The following DYNC2H1 variants were observed in gnomAD, a reference collection of about 807,000 sequenced individuals.
DYNC2H1 encodes dynein cytoplasmic 2 heavy chain 1, also known as cytoplasmic dynein 2 heavy chain 1.
A neutral mutation model predicts 570.0 loss-of-function variants in DYNC2H1; 410 were observed. The observed-to-expected ratio is 0.72, with a 90% CI of 0.66 to 0.78. The LOEUF is 0.78. Among genes scored for constraint, DYNC2H1 ranks in the 30% least tolerant of loss-of-function variants. The pLI is 0.00. For synonymous variants in DYNC2H1, 1,688 were observed against 1,677.6 expected, an observed-to-expected ratio of 1.01 and a Z score of -0.15; for missense variants, 4,865 against 5,046.4, an observed-to-expected ratio of 0.96 and a Z score of 1.09.
intron 65 of DYNC2H1, among the ~76,000 whole-genome samples, chr11:103,246,206 T>C (rs539414929): frequency 3.3e-5 from 5 of 152,184 alleles, no homozygotes; most frequent in African/African-American, 1.2e-4. Flanking sequence ...AAGCTTGTAA[T>C]CAAGAAAGTG....
intron 84 of DYNC2H1, among the ~76,000 whole-genome samples, chr11:103,429,495 A>G (rs1460850995): frequency 6.6e-6 from 1 of 152,090 alleles, no homozygotes; most frequent in Admixed American, 6.6e-5. Context: ...AAATACTGTG[A>G]TGTACCCATG....
intron 12 of DYNC2H1, among the ~76,000 whole-genome samples, chr11:103,125,701 A>G (rs1339802181): frequency 1.3e-5 from 2 of 152,106 alleles, no homozygotes; most frequent in Admixed American, 1.3e-4. Context: ...CATTGCCATC[A>G]TTTCACTTGT....
chr11:103,413,926 C>CT (rs1372450101), intron 84 of DYNC2H1, among the ~76,000 whole-genome samples: 1 of 152,036 alleles, frequency 6.6e-6, no homozygotes, highest in Non-Finnish European at 1.5e-5. Context: ...AGAGCTTGTC[C>CT]TTTTGTTTGT....
At chr11:103,198,892 C>T (rs987447429) in intron 48 of DYNC2H1, among the ~76,000 whole-genome samples, 9 of 152,108 alleles carry the variant, frequency 5.9e-5, no homozygotes, top group African/African-American at 2.2e-4. Context: ...GGTCTATGCA[C>T]ACTGATTCAT....
At chr11:103,115,034 A>C (rs1352913230) in intron 3 of DYNC2H1, 143 bp from the exon 4 acceptor site, 3 of 488,000 alleles carry the variant, frequency 6.1e-6, no homozygotes, top group Non-Finnish European at 1.1e-5. Flanking sequence ...GAAATAGGAA[A>C]CAATAAGGAA....
intron 31 of DYNC2H1, among the ~76,000 whole-genome samples, chr11:103,168,554 T>C (rs1861431412): frequency 6.6e-6 from 1 of 152,190 alleles, no homozygotes; most frequent in Non-Finnish European, 1.5e-5. Context: ...TATCTTAATT[T>C]TTATACTCAA....
chr11:103,443,780 T>C (rs547485220), intron 85 of DYNC2H1, among the ~76,000 whole-genome samples: 1 of 152,012 alleles, frequency 6.6e-6, no homozygotes, highest in African/African-American at 2.4e-5. Context: ...ACCTAGTTTT[T>C]ATTTTTTTCT....
chr11:103,169,204 T>C (rs915416525), intron 32 of DYNC2H1, among the ~76,000 whole-genome samples: 1 of 152,154 alleles, frequency 6.6e-6, no homozygotes, highest in Non-Finnish European at 1.5e-5. Flanking sequence ...GTACCTTTTC[T>C]TGGAGTTGCA....
At chr11:103,184,049 C>G (rs978242532) in intron 40 of DYNC2H1, among the ~76,000 whole-genome samples, 5 of 151,906 alleles carry the variant, frequency 3.3e-5, no homozygotes, top group Non-Finnish European at 7.4e-5. Context: ...CTAAGTTTTT[C>G]TTTGCATGTG....
intron 28 of DYNC2H1, among the ~76,000 whole-genome samples, chr11:103,160,127 A>G (rs1185963298): frequency 6.6e-6 from 1 of 152,044 alleles, no homozygotes; most frequent in Non-Finnish European, 1.5e-5. Flanking sequence ...TATTCAACCA[A>G]TTTCTCTATT....
intron 47 of DYNC2H1, among the ~76,000 whole-genome samples, chr11:103,195,325 G>T (rs1862475650): frequency 6.6e-6 from 1 of 152,206 alleles, no homozygotes; most frequent in African/African-American, 2.4e-5. Flanking sequence ...GTGGTCCATT[G>T]TGAGTCAATT....
chr11:103,420,610 T>A (rs1943454012), intron 84 of DYNC2H1, among the ~76,000 whole-genome samples: 1 of 152,088 alleles, frequency 6.6e-6, no homozygotes, highest in Non-Finnish European at 1.5e-5. Flanking sequence ...AACCCAGAAG[T>A]TCATATCTGG....
At chr11:103,124,268 GA>G (rs1858871187) in intron 11 of DYNC2H1, among the ~76,000 whole-genome samples, 1 of 151,646 alleles carries the variant, frequency 6.6e-6, no homozygotes, top group African/African-American at 2.4e-5. Flanking sequence ...GCAACATGGC[GA>G]AATCCTGTCT....
chr11:103,425,478 T>G (rs570281316), intron 84 of DYNC2H1, among the ~76,000 whole-genome samples: 26 of 152,094 alleles, frequency 1.7e-4, no homozygotes, highest in Admixed American at 9.2e-4. Flanking sequence ...TTAATCCCAT[T>G]TATGAGGGTG....
intron 40 of DYNC2H1, among the ~76,000 whole-genome samples, chr11:103,183,014 C>T (rs1163779942): frequency 1.3e-5 from 2 of 151,850 alleles, no homozygotes; most frequent in Non-Finnish European, 2.9e-5. Flanking sequence ...GAGCTGTCTC[C>T]TCCTTTGTGC....
chr11:103,272,137 G>A (rs1185888656), intron 70 of DYNC2H1, among the ~76,000 whole-genome samples: 2 of 152,074 alleles, frequency 1.3e-5, no homozygotes, highest in Non-Finnish European at 2.9e-5. Context: ...TGTTTATTGC[G>A]GCACTACTCA....
chr11:103,472,375 AATT>A lies in DYNC2H1; in HGVS notation c.12765+3672_12765+3674del, dbSNP rs1371607771. On this transcript the variant is annotated intron_variant, in intron 88 of 88. Transcript: ENST00000375735. This position sits in a 1 kb window ranked among gnomAD's most constrained non-coding sequence, Gnocchi z 4.1. ...CCCCATCTTTATTAAATAAAAAAAG[AATT>A]AAAAAAATTTTTTTTAAAGAATTGA... 2.3e-4 allele frequency among the ~76,000 whole-genome samples: 2 copies of A among 8,644 alleles called. No homozygotes were observed. The highest frequency in any genetic ancestry group is 2.6e-4 in the African/African-American group (2 of 7,704). The allele number at this position is 8,644 out of a possible 152,430, so 5.7% of individuals were successfully genotyped here. A position where few individuals can be genotyped will look rare whatever the true frequency, so the allele number is the denominator to read the frequency against.
intron 19 of DYNC2H1, among the ~76,000 whole-genome samples, 155 bp from the exon 20 acceptor site, chr11:103,148,335 C>T (rs1485756295): frequency 6.6e-6 from 1 of 152,116 alleles, no homozygotes; most frequent in Admixed American, 6.5e-5. Flanking sequence ...TATTCCACAT[C>T]TTGAAATTTT....
At chr11:103,182,353 CA>C (rs2135013705) in intron 40 of DYNC2H1, among the ~76,000 whole-genome samples, 1 of 150,584 alleles carries the variant, frequency 6.6e-6, no homozygotes, top group South Asian at 2.1e-4. Flanking sequence ...AGGTTAAAAA[CA>C]ATATGAAGTT....
Sources: allele counts gnomAD v4.1 joint callset (sites outside exome capture counted in the v4.1 genomes callset), GRCh38; gene constraint gnomAD v4.1.1; non-coding constraint Gnocchi (gnomAD v3.1); transcripts MANE v1.5; gene names NCBI Gene and HGNC (gene_info 2026-07-23, HGNC 2026-07-21).